Variants in ATP13A3 observed in about 807,000 individuals in gnomAD.
The protein encoded by ATP13A3 is ATPase 13A3, also known as polyamine-transporting ATPase 13A3.
A neutral mutation model predicts 158.1 loss-of-function variants in ATP13A3; 59 were observed. That is an observed-to-expected ratio of 0.37 (90% confidence interval 0.30 to 0.46). The LOEUF (loss-of-function observed/expected upper bound fraction) is 0.46, where lower values mean the gene tolerates loss of function less well. Ranked by LOEUF, ATP13A3 falls within the 20% of genes least tolerant of loss-of-function variation. ATP13A3 has a pLI of 1.00. For synonymous variants in ATP13A3, 491 were observed against 504.3 expected, an observed-to-expected ratio of 0.97 and a Z score of 0.35; for missense variants, 1,166 against 1,525.2, an observed-to-expected ratio of 0.76 and a Z score of 3.92.
chr3:194,419,161 G>A (rs1716108702), intron 31 of ATP13A3, among the ~76,000 whole-genome samples: 2 of 152,140 alleles, frequency 1.3e-5, no homozygotes, highest in South Asian at 4.1e-4. Context: ...AATGTTGATG[G>A]GAGAATGCAA....
intron 32 of ATP13A3, among the ~76,000 whole-genome samples, chr3:194,413,305 A>G (rs145712423): frequency 6.6e-6 from 1 of 152,322 alleles, no homozygotes; most frequent in African/African-American, 2.4e-5. Context: ...AACGATTATT[A>G]TTTTATACTT....
Position 194,453,812 on chromosome 3 carries a change from A to G in ATP13A3, c.766-34T>C, listed in dbSNP as rs1282890379. On this transcript the variant is annotated intron_variant, in intron 9 of 33. Transcript: ENST00000645319. ...GGAAAAAGAAGTTAGAAACTAGCCA[A>G]TATGAACCCACTCCTCAGGAAAAAA... is the stretch of plus-strand genomic sequence containing the variant. 1.9e-6 allele frequency: 3 copies of G among 1,546,330 alleles called. No individual in the cohort carries two copies. In the South Asian group the frequency reaches 3.4e-5, roughly 18 times the overall value.
intron 2 of ATP13A3, among the ~76,000 whole-genome samples, chr3:194,464,060 C>T (rs1719839584): frequency 1.3e-5 from 2 of 152,098 alleles, no homozygotes; most frequent in South Asian, 4.1e-4. Flanking sequence ...ACTCAGGAGG[C>T]TGAGGTGAGA....
In ATP13A3 at chr3:194,421,149, A is replaced by AGTT. The variant is rs369736459; in HGVS notation, c.3314-1183_3314-1182insAAC. On this transcript the variant is annotated intron_variant, in intron 30 of 33. Transcript: ENST00000645319. ...ATATATATATATAGTATATATATAT[A>AGTT]TATATATATATATATATATAGTTTT... is the stretch of plus-strand genomic sequence containing the variant. 1.1e-3 allele frequency among the ~76,000 whole-genome samples: 55 copies of AGTT among 51,276 alleles called. 3 individuals carry two copies. The highest frequency in any genetic ancestry group is 5.6e-3 in the African/African-American group (34 of 6,116). The allele number at this position is 51,276 out of a possible 152,430, so 33.6% of individuals were successfully genotyped here.
chr3:194,477,976 C>T (rs1241191302), intron 2 of ATP13A3, among the ~76,000 whole-genome samples: 2 of 152,206 alleles, frequency 1.3e-5, no homozygotes, highest in African/African-American at 2.4e-5. Context: ...CCAACATGTT[C>T]ACCAATGAAC....
At chr3:194,424,183 T>C (rs1716593114) in intron 30 of ATP13A3, among the ~76,000 whole-genome samples, 1 of 151,790 alleles carries the variant, frequency 6.6e-6, no homozygotes, top group Admixed American at 6.6e-5. Flanking sequence ...GTTATTAGTA[T>C]GGTTATACAG....
chr3:194,474,364 G>A (rs1720435111), intron 2 of ATP13A3, among the ~76,000 whole-genome samples: 1 of 152,048 alleles, frequency 6.6e-6, no homozygotes, highest in Admixed American at 6.6e-5. Context: ...CATCTTGCCA[G>A]GCTGGTCTCA....
At chr3:194,426,666 A>G (rs1453851488) in intron 29 of ATP13A3, among the ~76,000 whole-genome samples, 1 of 152,212 alleles carries the variant, frequency 6.6e-6, no homozygotes, top group Non-Finnish European at 1.5e-5. Context: ...GGCAAATACA[A>G]GCCAAATTAT....
At chr3:194,413,655 C>T (rs1188009953) in intron 32 of ATP13A3, 104 bp downstream of exon 32, 1 of 1,025,508 alleles carries the variant, frequency 9.8e-7, no homozygotes, top group East Asian at 2.4e-5. Context: ...AACTGAGACT[C>T]TGTGGCTTTC....
In ATP13A3 at chr3:194,431,150, T is replaced by C; in HGVS notation, c.2498A>G (p.Lys833Arg). 2 of 1,613,986 alleles carry C rather than the reference T, an allele frequency of 1.2e-6. No individual in the cohort carries two copies. The stretch of plus-strand genomic sequence containing the variant: ...ATGCTCCAGTATCACTGAGAATGAT[T>C]TTCCATTCATTGCAAAATGATAACG... ...MTRYHFAMNGKSFSVILEHFQ... is the reference protein window; with the variant it reads ...MTRYHFAMNGRSFSVILEHFQ... Residue 833 changes from lysine to arginine, a missense_variant, in exon 23 of 34, where the codon AAA (lysine) becomes AGA (arginine). By Grantham distance (26) the Lys-to-Arg change is conservative. Transcript: ENST00000645319.
chr3:194,455,868 A>T (rs1401494535), intron 8 of ATP13A3, 25 bp downstream of exon 8: 9 of 1,360,550 alleles, frequency 6.6e-6, no homozygotes, highest in Non-Finnish European at 9.2e-6. Context: ...ATGACTGTTA[A>T]GTTATATACA....
At chr3:194,464,596 A>C (rs920192213) in intron 2 of ATP13A3, among the ~76,000 whole-genome samples, 3 of 152,212 alleles carry the variant, frequency 2.0e-5, no homozygotes, top group African/African-American at 7.2e-5. Context: ...GAATGTGTAA[A>C]GTAATAACAC....
At chr3:194,479,594 TA>T (rs1401763827) in intron 2 of ATP13A3, among the ~76,000 whole-genome samples, 1 of 151,048 alleles carries the variant, frequency 6.6e-6, no homozygotes, top group Non-Finnish European at 1.5e-5. Context: ...AAATAAAATT[TA>T]AAAAAAAGAA....
chr3:194,421,114 G>GTGTGTGTA lies in ATP13A3; in HGVS notation c.3314-1148_3314-1147insTACACACA, dbSNP rs774431656. Among the ~76,000 whole-genome samples the GTGTGTGTA allele has an allele frequency of 2.8e-3, 23 of 8,110 alleles. 1 individual carries two copies. Among genetic ancestry groups the GTGTGTGTA allele is most frequent in the African/African-American group, 0.012 (21 of 1,744 alleles). 5.3% of individuals were successfully genotyped at this position (8,110 alleles called of 152,430 possible). ...GTTTATATATACCAGTGTGTAGGGT[G>GTGTGTGTA]TATATATATATATATATATATAGTA... On this transcript the variant is annotated intron_variant, in intron 30 of 33. Coordinates refer to ENST00000645319, the MANE Select transcript of ATP13A3 (RefSeq NM_001367549.1).
At chr3:194,453,280 TAAAA>T (rs35230118) in intron 10 of ATP13A3, among the ~76,000 whole-genome samples, 6 of 100,950 alleles carry the variant, frequency 5.9e-5, no homozygotes, top group Middle Eastern at 5.3e-3. Context: ...ACATCGACTT[TAAAA>T]AAAAAAAAAA....
intron 10 of ATP13A3, chr3:194,452,070 G>A (rs769861848): frequency 6.6e-6 from 1 of 152,332 alleles, no homozygotes; most frequent in Non-Finnish European, 1.5e-5. Flanking sequence ...ACCCTTCAAT[G>A]GTGGCTATGC....
chr3:194,405,655 AATC>A lies in ATP13A3; in HGVS notation c.*261_*263del. 2 of 379,798 alleles carry A rather than the reference AATC, an allele frequency of 5.3e-6. No individual in the cohort carries two copies. Among genetic ancestry groups the A allele is most frequent in the Non-Finnish European group, 9.6e-6 (2 of 208,094 alleles). 23.5% of individuals were successfully genotyped at this position (379,798 alleles called of 1,614,324 possible). On this transcript the variant is annotated 3_prime_UTR_variant, in exon 34 of 34. Coordinates refer to ENST00000645319, the MANE Select transcript of ATP13A3 (RefSeq NM_001367549.1). ...TATAAAGAATATCACTGAAAGTAACAATCAAGAAAATTCTGGAAATGTATGTAA... is the reference window on the plus strand; with the variant it reads ...TATAAAGAATATCACTGAAAGTAACAAAGAAAATTCTGGAAATGTATGTAA...
intron 9 of ATP13A3, 126 bp from the exon 10 acceptor site, chr3:194,453,904 G>T: frequency 1.4e-6 from 1 of 727,486 alleles, no homozygotes; most frequent in Non-Finnish European, 2.3e-6. Context: ...AAAATGTCGA[G>T]TCAGAAATTC....
intron 24 of ATP13A3, among the ~76,000 whole-genome samples, chr3:194,430,697 C>G (rs1717152504): frequency 6.6e-6 from 1 of 152,096 alleles, no homozygotes; most frequent in Non-Finnish European, 1.5e-5. Context: ...CCACTTCTAT[C>G]AAGATAGAGC....
Sources: gnomAD v4.1 joint callset for allele counts (sites outside exome capture counted in the v4.1 genomes callset) on GRCh38, gnomAD v4.1.1 for gene constraint, MANE v1.5 for transcripts, NCBI Gene and HGNC (gene_info 2026-07-23, HGNC 2026-07-21) for gene names.